GXYLT2: variants seen among roughly 807,000 people sequenced by gnomAD.
The protein encoded by GXYLT2 is glucoside xylosyltransferase 2, also known as glycosyltransferase 8 domain containing 4.
In GXYLT2, 53 loss-of-function variants were observed where a neutral mutation model predicts 45.8. That is an observed-to-expected ratio of 1.16 (90% CI 0.93 to 1.46). GXYLT2 has a LOEUF of 1.46. GXYLT2 is among the 40% of genes most tolerant of loss of function. The pLI, the probability that GXYLT2 is intolerant of heterozygous loss-of-function variation, is 0.00. For synonymous variants in GXYLT2, 219 were observed against 214.2 expected (o/e 1.02, Z -0.19); for missense variants, 551 against 544.4 (o/e 1.01, Z -0.12).
In GXYLT2 at chr3:72,922,309, T is replaced by G; in HGVS notation, c.574T>G (p.Cys192Gly). 6.2e-7 allele frequency: 1 copy of G among 1,613,698 alleles called. No individual in the cohort carries two copies. The highest frequency in any genetic ancestry group is 8.5e-7 in the Non-Finnish European group (1 of 1,179,750). The part of the protein sequence containing the change: ...PQEWKKLFKP[C>G]AAQRLFLPVI... ...GGAGTGGAAGAAATTGTTCAAACCC[T>G]GTGCTGCCCAGAGACTCTTTCTTCC... is the stretch of plus-strand genomic sequence containing the variant. The change falls in exon 3 of 7, where the codon TGT (cysteine) becomes GGT (glycine). Residue 192 changes from cysteine to glycine, a missense_variant. By Grantham distance (159) the Cys-to-Gly change is radical. Transcript: ENST00000389617.
chr3:72,890,668 G>A (rs1348287153), intron 1 of GXYLT2, among the ~76,000 whole-genome samples: 1 of 152,214 alleles, frequency 6.6e-6, no homozygotes, highest in East Asian at 1.9e-4. Context: ...TCAAGGTGTC[G>A]AGAACAGTGG....
At chr3:72,969,476 C>G (rs1710943913) in intron 6 of GXYLT2, among the ~76,000 whole-genome samples, 1 of 151,686 alleles carries the variant, frequency 6.6e-6, no homozygotes, top group Non-Finnish European at 1.5e-5. Context: ...ATATTGGGAA[C>G]CAGTGACACC....
chr3:72,966,458 C>CTTTTTTTTTTTTTTT (rs10662974), intron 5 of GXYLT2, among the ~76,000 whole-genome samples: 2 of 101,640 alleles, frequency 2.0e-5, no homozygotes, highest in Non-Finnish European at 3.6e-5. Flanking sequence ...TTGTGTGTAT[C>CTTTTTTTTTTTTTTT]TTTTTTTTTT....
chr3:72,955,832 C>A (rs1380626871), intron 4 of GXYLT2, among the ~76,000 whole-genome samples: 2 of 152,202 alleles, frequency 1.3e-5, no homozygotes, highest in African/African-American at 4.8e-5. Context: ...AATCCCAGCA[C>A]TTTGGAAGAC....
intron 5 of GXYLT2, among the ~76,000 whole-genome samples, chr3:72,961,681 AG>A (rs1710773931): frequency 7.6e-6 from 1 of 131,424 alleles, no homozygotes; most frequent in Non-Finnish European, 1.7e-5. Flanking sequence ...AAAAAGAGAG[AG>A]AGAGAGACTG....
rs768591399 is a variant in GXYLT2, at chr3:72,955,179, C to G, written c.682C>G (p.Leu228Val). 4 of 1,614,024 alleles carry G rather than the reference C, an allele frequency of 2.5e-6. No homozygotes were observed. Among genetic ancestry groups the G allele is most frequent in the Non-Finnish European group, 3.4e-6 (4 of 1,179,884 alleles). ...GAGACCTGTTGATGACATCTGGAAG[C>G]TTCTGAGGCTGTTTAATTCCACCCA... ...FLRPVDDIWK[L>V]LRLFNSTQLA... Residue 228 changes from leucine (L) to valine (V), a missense_variant, in exon 4 of 7, where the codon CTT becomes GTT. By Grantham distance (32) the Leu-to-Val change is conservative (BLOSUM62 1). Coordinates refer to ENST00000389617, the MANE Select transcript of GXYLT2 (RefSeq NM_001080393.2).
chr3:72,912,427 G>A (rs879361052), intron 2 of GXYLT2, among the ~76,000 whole-genome samples: 1 of 152,086 alleles, frequency 6.6e-6, no homozygotes, highest in Non-Finnish European at 1.5e-5. Flanking sequence ...GGGATTATAG[G>A]CACATGCCAC....
chr3:72,914,320 G>A (rs1454090749), intron 2 of GXYLT2, among the ~76,000 whole-genome samples: 2 of 152,226 alleles, frequency 1.3e-5, no homozygotes, highest in East Asian at 3.9e-4. Context: ...CAACAGAGAA[G>A]TGGGAGATGC....
chr3:72,954,399 C>G (rs1300072767), intron 3 of GXYLT2, among the ~76,000 whole-genome samples: 1 of 133,850 alleles, frequency 7.5e-6, no homozygotes, highest in African/African-American at 3.0e-5. Flanking sequence ...TGCTCCCAGC[C>G]TGTGTGTGTG....
intron 3 of GXYLT2, among the ~76,000 whole-genome samples, chr3:72,952,347 A>G (rs1273115800): frequency 6.6e-6 from 1 of 152,112 alleles, no homozygotes; most frequent in Non-Finnish European, 1.5e-5. Context: ...GATGATCAGT[A>G]TTTTTAATTT....
intron 6 of GXYLT2, among the ~76,000 whole-genome samples, chr3:72,974,178 C>T (rs1711047376): frequency 6.6e-6 from 1 of 152,172 alleles, no homozygotes; most frequent in Non-Finnish European, 1.5e-5. Context: ...AACTTTGATA[C>T]ATGTGCGTAA....
At position 72,929,532 on chromosome 3, in the gene GXYLT2, G is replaced by A. The variant is rs909475112; in HGVS notation, c.600+7197G>A. ...CAACTTGTGCAAGATGGGAGCACCCGAATCTGGCTCGGCAGAATATCTCTT... is the reference window on the plus strand; with the variant it reads ...CAACTTGTGCAAGATGGGAGCACCCAAATCTGGCTCGGCAGAATATCTCTT... On this transcript the variant is annotated intron_variant, in intron 3 of 6. Transcript: ENST00000389617. The A allele has an allele frequency of 4.1e-6, 5 of 1,221,488 alleles. No individual in the cohort carries two copies. The African/African-American group carries it at 4.5e-5, about 11-fold the overall frequency. 75.7% of individuals were successfully genotyped at this position (1,221,488 alleles called of 1,614,324 possible). A position where few individuals can be genotyped will look rare whatever the true frequency, so the allele number is the denominator to read the frequency against.
chr3:72,921,467 C>T (rs184484562), intron 2 of GXYLT2, among the ~76,000 whole-genome samples: 3 of 152,256 alleles, frequency 2.0e-5, no homozygotes, highest in Admixed American at 1.3e-4. Flanking sequence ...CAGTCTCGCT[C>T]TGTCACCCAG....
At chr3:72,923,836 GC>G (rs1363551434) in intron 3 of GXYLT2, among the ~76,000 whole-genome samples, 3 of 152,178 alleles carry the variant, frequency 2.0e-5, no homozygotes, top group African/African-American at 7.2e-5. Flanking sequence ...TCGCTATATT[GC>G]TCAGGCTGAT....
chr3:72,946,160 C>T (rs1710398127), intron 3 of GXYLT2, among the ~76,000 whole-genome samples: 1 of 151,094 alleles, frequency 6.6e-6, no homozygotes. Flanking sequence ...GCCTGCGGTC[C>T]CAGCTACTGG....
intron 2 of GXYLT2, among the ~76,000 whole-genome samples, chr3:72,915,404 A>C (rs1709721387): frequency 7.0e-6 from 1 of 143,578 alleles, no homozygotes; most frequent in Non-Finnish European, 1.5e-5. Flanking sequence ...AGAGATGATA[A>C]GGTATTCTTC....
intron 2 of GXYLT2, among the ~76,000 whole-genome samples, chr3:72,913,657 T>C (rs1474795807): frequency 6.6e-6 from 1 of 152,056 alleles, no homozygotes; most frequent in Non-Finnish European, 1.5e-5. Context: ...ATTACGCCAC[T>C]GTACTCCAGC....
At chr3:72,970,625 C>T (rs1378814476) in intron 6 of GXYLT2, among the ~76,000 whole-genome samples, 2 of 152,112 alleles carry the variant, frequency 1.3e-5, no homozygotes, top group African/African-American at 2.4e-5. Flanking sequence ...TTTGGGAGGC[C>T]GAGGTGGGTG....
chr3:72,904,949 T>C (rs1026806527), intron 1 of GXYLT2, among the ~76,000 whole-genome samples: 157 of 147,434 alleles, frequency 1.1e-3, no homozygotes, highest in Admixed American at 4.4e-3. Context: ...CTTGGGAGGC[T>C]GAGGCATGAG....
Sources: allele counts gnomAD v4.1 joint callset (sites outside exome capture counted in the v4.1 genomes callset), GRCh38; gene constraint gnomAD v4.1.1; transcripts MANE v1.5; gene names NCBI Gene and HGNC (gene_info 2026-07-23, HGNC 2026-07-21).